The following COL9A1 variants were observed in gnomAD, a reference collection of about 807,000 sequenced individuals.
The protein encoded by COL9A1 is collagen type IX alpha 1 chain.
COL9A1 carries 104 observed loss-of-function variants against 142.6 expected under a neutral mutation model. The observed-to-expected ratio is 0.73, with a 90% CI of 0.62 to 0.86. The LOEUF is 0.86. Ranked by LOEUF, COL9A1 falls within the 40% of genes least tolerant of loss-of-function variation. COL9A1 has a pLI of 0.00. For missense variants in COL9A1, 1,210 were observed against 1,176.6 expected (o/e 1.03, Z -0.42); for synonymous variants, 466 against 396.0 (o/e 1.18, Z -2.10).
chr6:70,221,511 G>A (rs887153606), intron 37 of COL9A1, among the ~76,000 whole-genome samples: 2 of 152,168 alleles, frequency 1.3e-5, no homozygotes, highest in Non-Finnish European at 1.5e-5. Flanking sequence ...GAATGTGTGC[G>A]TGTGTATTTT....
rs543691720 is a variant in COL9A1, at chr6:70,225,587, T to TA, written c.2581+344dup. Among the ~76,000 whole-genome samples the TA allele has an allele frequency of 3.4e-3, 495 of 147,738 alleles. 6 individuals carry two copies. Among genetic ancestry groups the TA allele is most frequent in the Admixed American group, 7.2e-3 (106 of 14,760 alleles). ...TTCCTACTGCTCTGGCATTTTAGAT[T>TA]AAAAAAAAAAACAGGAAACTATCAC... On this transcript the variant is annotated intron_variant, in intron 37 of 37. Transcript: ENST00000357250.
At chr6:70,241,823 T>C (rs1428967004) in intron 30 of COL9A1, 141 bp downstream of exon 30, 1 of 775,588 alleles carries the variant, frequency 1.3e-6, no homozygotes, top group African/African-American at 1.7e-5. Context: ...CAACTCTGAG[T>C]AATTTAAAAT....
rs200618486 is a variant in COL9A1, at chr6:70,274,782, C to A, written c.976-10G>T. 481 of 1,609,936 alleles carry A rather than the reference C, an allele frequency of 3.0e-4. No individual in the cohort carries two copies. The highest frequency in any genetic ancestry group is 3.8e-4 in the Non-Finnish European group (452 of 1,176,462). Reference sequence around the variant, plus strand: ...CAGGTCCTGTTAATCCCTAATAGAGCAAGACAATGATGTTAGAACTATCAT... The same window carrying A: ...CAGGTCCTGTTAATCCCTAATAGAGAAAGACAATGATGTTAGAACTATCAT... On this transcript the variant is annotated splice_polypyrimidine_tract_variant and intron_variant, in intron 10 of 37. Coordinates refer to ENST00000357250, the MANE Select transcript of COL9A1 (RefSeq NM_001851.6).
intron 17 of COL9A1, 151 bp from the exon 18 acceptor site, chr6:70,266,921 A>C (rs1434772025): frequency 1.4e-6 from 1 of 726,632 alleles, no homozygotes; most frequent in African/African-American, 1.8e-5. Flanking sequence ...AAATGACCTT[A>C]ACAGCACCAT....
chr6:70,295,347 C>T (rs568087781), intron 4 of COL9A1, among the ~76,000 whole-genome samples: 10 of 126,750 alleles, frequency 7.9e-5, no homozygotes, highest in Admixed American at 1.0e-4. Flanking sequence ...AGTGCAATGG[C>T]GCCATCTCAG....
At chr6:70,247,313 TA>T (rs1453344821) in intron 28 of COL9A1, among the ~76,000 whole-genome samples, 2 of 152,230 alleles carry the variant, frequency 1.3e-5, no homozygotes, top group Non-Finnish European at 2.9e-5. Flanking sequence ...GTTTTCCTTT[TA>T]AAATGGAACT....
chr6:70,282,788 G>T, intron 7 of COL9A1, 110 bp downstream of exon 7: 1 of 1,532,760 alleles, frequency 6.5e-7, no homozygotes. Context: ...GCGCGGGTCT[G>T]AGAGCCCTGG....
intron 25 of COL9A1, among the ~76,000 whole-genome samples, chr6:70,253,966 T>C (rs1349442745): frequency 6.6e-6 from 1 of 152,232 alleles, no homozygotes; most frequent in Non-Finnish European, 1.5e-5. Context: ...TATTCTTTAT[T>C]AATTAGAAAG....
In COL9A1 at chr6:70,280,891, G is replaced by A. The variant is rs977530960; in HGVS notation, c.913-17C>T. 7.4e-6 allele frequency: 12 copies of A among 1,613,098 alleles called. No individual in the cohort carries two copies. Among genetic ancestry groups the A allele is most frequent in the Non-Finnish European group, 7.6e-6 (9 of 1,179,884 alleles). On this transcript the variant is annotated splice_polypyrimidine_tract_variant and intron_variant, in intron 9 of 37. Transcript: ENST00000357250. ...TGCAGGACCCTGAGCAGGGGCAGAA[G>A]GGTGCGGGGGCAGGAGAGAAAAAGG...
rs1251179696 is a variant in COL9A1 at position 70,272,202 on chromosome 6, T to G, written c.1066-114A>C. The G allele has an allele frequency of 6.0e-6, 5 of 835,240 alleles. No individual in the cohort carries two copies. The African/African-American group carries it at 8.7e-5, about 15-fold the overall frequency. The allele number at this position is 835,240 out of a possible 1,614,324, so 51.7% of individuals were successfully genotyped here. ...TAAACTCTATTACTAAAAATGATGCTCATTCTAAAGAAAGCACTGAATAAA... is the reference window on the plus strand; with the variant it reads ...TAAACTCTATTACTAAAAATGATGCGCATTCTAAAGAAAGCACTGAATAAA... On this transcript the variant is annotated intron_variant, in intron 12 of 37. Transcript: ENST00000357250.
chr6:70,265,166 C>G (rs1771931897), intron 18 of COL9A1, among the ~76,000 whole-genome samples: 1 of 151,994 alleles, frequency 6.6e-6, no homozygotes, highest in African/African-American at 2.4e-5. Flanking sequence ...AACATCAAAC[C>G]AAATTTGAGA....
chr6:70,297,831 T>C (rs1448134276), intron 4 of COL9A1, among the ~76,000 whole-genome samples: 1 of 151,998 alleles, frequency 6.6e-6, no homozygotes, highest in African/African-American at 2.4e-5. Flanking sequence ...AAAACGATTA[T>C]GCTTAAAATA....
intron 7 of COL9A1, among the ~76,000 whole-genome samples, chr6:70,282,696 G>A (rs1296562218): frequency 1.3e-5 from 2 of 152,150 alleles, no homozygotes; most frequent in Admixed American, 6.5e-5. Flanking sequence ...GATTGGGGAG[G>A]AGCCCCCCTT....
chr6:70,300,827 C>T (rs1774035127), intron 2 of COL9A1, among the ~76,000 whole-genome samples: 1 of 152,158 alleles, frequency 6.6e-6, no homozygotes, highest in Non-Finnish European at 1.5e-5. Flanking sequence ...GTTCCTTAAA[C>T]ACCACAAATT....
chr6:70,282,981 T>C (rs757674228), intron 6 of COL9A1, 63 bp from the exon 7 acceptor site: 8 of 1,614,010 alleles, frequency 5.0e-6, no homozygotes, highest in South Asian at 1.1e-5. Flanking sequence ...CGCAACTTAC[T>C]TGAGCCGCGC....
intron 6 of COL9A1, 118 bp from the exon 7 acceptor site, chr6:70,283,036 C>T: frequency 1.2e-6 from 2 of 1,607,166 alleles, no homozygotes; most frequent in Non-Finnish European, 1.7e-6. Flanking sequence ...CCCGCGGTCC[C>T]GCGCAGTCCA....
rs752472702 is a variant in COL9A1 at position 70,239,295 on chromosome 6, A to G, written c.2080-9T>C. On this transcript the variant is annotated splice_polypyrimidine_tract_variant and intron_variant, in intron 32 of 37. Coordinates refer to ENST00000357250, the MANE Select transcript of COL9A1 (RefSeq NM_001851.6). ...GGTAATCCTATATCTCCCTAAATCA[A>G]TAAAAGAAATTTATGTTAGAACAAT... 5 of 1,529,448 alleles carry G rather than the reference A, an allele frequency of 3.3e-6. No homozygotes were observed. The African/African-American group carries it at 5.5e-5, about 17-fold the overall frequency. 94.7% of individuals were successfully genotyped at this position (1,529,448 alleles called of 1,614,324 possible). A position where few individuals can be genotyped will look rare whatever the true frequency, so the allele number is the denominator to read the frequency against.
In COL9A1 at chr6:70,254,858, G is replaced by A. The variant is rs1252018909; in HGVS notation, c.1665+105C>T. ...AATTAAAGGAAGGGAAAAAGCCAAA[G>A]CTAGCTAAATAAATCTTTTGGTGAT... On this transcript the variant is annotated intron_variant, in intron 24 of 37. Transcript: ENST00000357250. 8 of 1,080,280 alleles carry A rather than the reference G, an allele frequency of 7.4e-6. No homozygotes were observed. The African/African-American group carries it at 9.3e-5, about 13-fold the overall frequency. The allele number at this position is 1,080,280 out of a possible 1,614,324, so 66.9% of individuals were successfully genotyped here.
At chr6:70,278,311 T>G (rs1181709037) in intron 10 of COL9A1, among the ~76,000 whole-genome samples, 1 of 152,232 alleles carries the variant, frequency 6.6e-6, no homozygotes, top group East Asian at 1.9e-4. Context: ...GCCTGGGGAG[T>G]CTAAAAATCA....
Sources: gnomAD v4.1 joint callset for allele counts (sites outside exome capture counted in the v4.1 genomes callset) on GRCh38, gnomAD v4.1.1 for gene constraint, MANE v1.5 for transcripts, NCBI Gene and HGNC (gene_info 2026-07-23, HGNC 2026-07-21) for gene names.